SCIN: variants seen among roughly 807,000 people sequenced by gnomAD.
The protein encoded by SCIN is scinderin.
A neutral mutation model predicts 91.8 loss-of-function variants in SCIN; 91 were observed. The observed-to-expected ratio is 0.99, with a 90% CI of 0.84 to 1.18. SCIN has a LOEUF of 1.18. SCIN is among the 50% of genes most tolerant of loss of function. The pLI, the probability that SCIN is intolerant of heterozygous loss-of-function variation, is 0.00. For missense variants in SCIN, 1,087 were observed against 863.9 expected, an observed-to-expected ratio of 1.26 and a Z score of -3.24; for synonymous variants, 367 against 312.6, an observed-to-expected ratio of 1.17 and a Z score of -1.84.
intron 3 of SCIN, among the ~76,000 whole-genome samples, chr7:12,587,822 C>G (rs1328349863): frequency 6.6e-6 from 1 of 152,052 alleles, no homozygotes; most frequent in Non-Finnish European, 1.5e-5. Context: ...TTCTTTTTTA[C>G]TTTTTGAACC....
chr7:12,581,328 AG>A, intron 3 of SCIN, 107 bp downstream of exon 3: 1 of 1,128,826 alleles, frequency 8.9e-7, no homozygotes, highest in South Asian at 1.6e-5. Context: ...CACACCAGAA[AG>A]GGGCCACGTT....
chr7:12,599,651 G>A (rs1002195626), intron 3 of SCIN, among the ~76,000 whole-genome samples: 4 of 151,784 alleles, frequency 2.6e-5, no homozygotes, highest in Non-Finnish European at 5.9e-5. Context: ...GTATAAAAGT[G>A]TTCCCTTTCA....
intron 6 of SCIN, 46 bp downstream of exon 6, chr7:12,625,188 T>A: frequency 1.3e-6 from 2 of 1,514,990 alleles, no homozygotes; most frequent in Non-Finnish European, 1.8e-6. Context: ...TTATAGATAT[T>A]TCCTCTATAA....
intron 11 of SCIN, among the ~76,000 whole-genome samples, chr7:12,641,833 C>A (rs1186964391): frequency 3.3e-5 from 5 of 152,004 alleles, no homozygotes; most frequent in Non-Finnish European, 5.9e-5. Flanking sequence ...ATCCCCAGCA[C>A]CCCCTTCTCT....
Position 12,656,232 on chromosome 7 carries a change from G to A in SCIN, c.*3517G>A, listed in dbSNP as rs1366901180. The A allele has an allele frequency of 6.6e-6, 1 of 152,120 alleles. No homozygotes were observed. The highest frequency in any genetic ancestry group is 2.4e-5 in the African/African-American group (1 of 41,404). 9.4% of individuals were successfully genotyped at this position (152,120 alleles called of 1,614,324 possible). Reference sequence around the variant, plus strand: ...ATCAGTCCACTTAACTCATTATTCAGTCATCAAGCAATTCTTGTCCCAATC... The same window carrying A: ...ATCAGTCCACTTAACTCATTATTCAATCATCAAGCAATTCTTGTCCCAATC... On this transcript the variant is annotated 3_prime_UTR_variant, in exon 16 of 16. Transcript: ENST00000297029.
intron 4 of SCIN, among the ~76,000 whole-genome samples, chr7:12,618,457 T>C (rs1020498682): frequency 6.6e-6 from 1 of 152,130 alleles, no homozygotes; most frequent in Non-Finnish European, 1.5e-5. Flanking sequence ...TATCCATTCT[T>C]TAATATATGA....
intron 7 of SCIN, chr7:12,626,147 T>C (rs1783517614): frequency 2.9e-6 from 1 of 342,936 alleles, no homozygotes; most frequent in Non-Finnish European, 5.3e-6. Flanking sequence ...TTATTATTCC[T>C]TAGAGCAAGT....
chr7:12,635,532 A>T (rs1783731056), intron 9 of SCIN, among the ~76,000 whole-genome samples: 3 of 141,302 alleles, frequency 2.1e-5, no homozygotes, highest in Non-Finnish European at 4.6e-5. Context: ...GAATCGCTTG[A>T]AGCCGGGAGG....
At chr7:12,633,964 T>TG (rs1783696757) in intron 9 of SCIN, among the ~76,000 whole-genome samples, 2 of 122,266 alleles carry the variant, frequency 1.6e-5, no homozygotes, top group South Asian at 2.4e-4. Context: ...TTTGTGTGCA[T>TG]GTTTTTTTTT....
rs569469750 is a variant in SCIN at position 12,642,775 on chromosome 7, A to G, written c.1582-1363A>G. Among the ~76,000 whole-genome samples the G allele has an allele frequency of 2.0e-5, 3 of 151,596 alleles. No homozygotes were observed. In the South Asian group the frequency reaches 6.3e-4, roughly 32 times the overall value. The stretch of plus-strand genomic sequence containing the variant: ...AGGTGAATGTATCCCCACACTTACA[A>G]TGGTTTCTTCCTAATCTATCGGCCA... On this transcript the variant is annotated intron_variant, in intron 11 of 15. Coordinates refer to ENST00000297029, the MANE Select transcript of SCIN (RefSeq NM_001112706.3).
rs530912001 is a variant in SCIN, at chr7:12,625,226, T to A, written c.892+84T>A. ...GTAAATAAAATATATTTTTTGATTT[T>A]AAAAAAAAGCCCACCTTTTAATTAA... is the stretch of plus-strand genomic sequence containing the variant. On this transcript the variant is annotated intron_variant, in intron 6 of 15. Coordinates refer to ENST00000297029, the MANE Select transcript of SCIN (RefSeq NM_001112706.3). 413 of 1,255,832 alleles carry A rather than the reference T, an allele frequency of 3.3e-4. 1 individual carries two copies. The Middle Eastern group carries it at 9.3e-3, about 28-fold the overall frequency. The allele number at this position is 1,255,832 out of a possible 1,614,324, so 77.8% of individuals were successfully genotyped here.
chr7:12,572,553 T>A (rs1475707320), intron 1 of SCIN, among the ~76,000 whole-genome samples: 1 of 152,228 alleles, frequency 6.6e-6, no homozygotes, highest in Non-Finnish European at 1.5e-5. Flanking sequence ...AGACAGCAGT[T>A]AAGTTTGACT....
intron 4 of SCIN, 86 bp from the exon 5 acceptor site, chr7:12,622,715 C>A (rs1280288148): frequency 2.2e-6 from 2 of 894,806 alleles, no homozygotes; most frequent in South Asian, 1.5e-5. Flanking sequence ...ATTTTATAAT[C>A]CATGTCTTTA....
At position 12,597,197 on chromosome 7, in the gene SCIN, AG is replaced by A. The variant is rs1305569192; in HGVS notation, c.517-7315del. On this transcript the variant is annotated intron_variant, in intron 3 of 15. Coordinates refer to ENST00000297029, the MANE Select transcript of SCIN (RefSeq NM_001112706.3). ...ATATTTTAAACTTTTAAAATAAAAA[AG>A]GTTCGTGGAGTTATCTCACAAATCA... 2.0e-5 allele frequency among the ~76,000 whole-genome samples: 3 copies of A among 152,354 alleles called. No individual in the cohort carries two copies. The East Asian group carries it at 5.8e-4, about 29-fold the overall frequency.
chr7:12,617,244 A>G (rs1030830427), intron 4 of SCIN, among the ~76,000 whole-genome samples: 6 of 152,102 alleles, frequency 3.9e-5, no homozygotes, highest in African/African-American at 1.4e-4. Flanking sequence ...TTGAATTTTC[A>G]CCATATGCTA....
chr7:12,582,090 G>A (rs866539961), intron 3 of SCIN, among the ~76,000 whole-genome samples: 5 of 152,208 alleles, frequency 3.3e-5, no homozygotes, highest in South Asian at 2.1e-4. Context: ...ACGTTGTAAC[G>A]GAGTCATGAG....
intron 3 of SCIN, among the ~76,000 whole-genome samples, chr7:12,588,383 G>A (rs1707074198): frequency 6.6e-6 from 1 of 152,212 alleles, no homozygotes; most frequent in Non-Finnish European, 1.5e-5. Context: ...AAGGTAAAAT[G>A]TGAGACATGC....
At chr7:12,598,672 C>G (rs905332359) in intron 3 of SCIN, among the ~76,000 whole-genome samples, 1 of 152,098 alleles carries the variant, frequency 6.6e-6, no homozygotes, top group African/African-American at 2.4e-5. Context: ...GCAGGCAGAT[C>G]GCTTGAACCC....
intron 14 of SCIN, among the ~76,000 whole-genome samples, chr7:12,650,341 G>A (rs965279849): frequency 2.6e-5 from 4 of 152,016 alleles, no homozygotes; most frequent in African/African-American, 7.3e-5. Flanking sequence ...TAAATCTCCA[G>A]GTCAATAAAA....
Sources: gnomAD v4.1 joint callset for allele counts (sites outside exome capture counted in the v4.1 genomes callset) on GRCh38, gnomAD v4.1.1 for gene constraint, MANE v1.5 for transcripts, NCBI Gene and HGNC (gene_info 2026-07-23, HGNC 2026-07-21) for gene names.